RXRA: variants seen among roughly 807,000 people sequenced by gnomAD.
The protein encoded by RXRA is retinoic acid receptor RXR-alpha.
RXRA carries 5 observed loss-of-function variants against 44.5 expected under a neutral mutation model. The ratio of observed to expected loss-of-function variants is 0.11; its 90% CI spans 0.06 to 0.24. The LOEUF (loss-of-function observed/expected upper bound fraction) is 0.24, where lower values mean the gene tolerates loss of function less well. RXRA is among the 10% of genes least tolerant of loss of function. The probability of loss-of-function intolerance (pLI) is 1.00; values close to 1 mark genes in which losing one functional copy is unlikely to be tolerated. For synonymous variants in RXRA, 291 were observed against 271.4 expected, an observed-to-expected ratio of 1.07 and a Z score of -0.71; for missense variants, 412 against 646.5, an observed-to-expected ratio of 0.64 and a Z score of 3.93.
chr9:134,333,221 G>T (rs997120335), intron 1 of RXRA, among the ~76,000 whole-genome samples: 2 of 152,188 alleles, frequency 1.3e-5, no homozygotes, highest in East Asian at 1.9e-4. Context: ...TTGCCACGGG[G>T]TCTGTCCTGC....
At chr9:134,378,475 G>C (rs936597929) in intron 1 of RXRA, among the ~76,000 whole-genome samples, 2 of 152,246 alleles carry the variant, frequency 1.3e-5, no homozygotes, top group Admixed American at 1.3e-4. Context: ...GAAGGGTCCT[G>C]TGGCCTGGAG....
At chr9:134,385,717 C>A (rs1373850969) in intron 1 of RXRA, among the ~76,000 whole-genome samples, 1 of 152,250 alleles carries the variant, frequency 6.6e-6, no homozygotes, top group African/African-American at 2.4e-5. Context: ...AGGCACCCTG[C>A]ATCCGGTTTT....
Position 134,407,532 on chromosome 9 carries a change from C to T in RXRA, c.280-617C>T, listed in dbSNP as rs896473127. Among the ~76,000 whole-genome samples the T allele has an allele frequency of 6.6e-6, 1 of 152,186 alleles. No individual in the cohort carries two copies. The highest frequency in any genetic ancestry group is 2.4e-5 in the African/African-American group (1 of 41,450). On this transcript the variant is annotated intron_variant, in intron 2 of 9. Coordinates refer to ENST00000481739, the MANE Select transcript of RXRA (RefSeq NM_002957.6). This position sits in a 1 kb window ranked among gnomAD's most constrained non-coding sequence, Gnocchi z 4.8. ...CTTGCCCGGGCGGCAGCGTGCGGGC[C>T]GGCGGGTGGGGCGGAGGGGTGTGCA...
intron 3 of RXRA, 95 bp downstream of exon 3, chr9:134,408,394 A>G: frequency 1.5e-6 from 2 of 1,353,132 alleles, no homozygotes; most frequent in South Asian, 1.5e-5. Context: ...CTGTGGGCCA[A>G]GCAGGACCCA....
intron 1 of RXRA, among the ~76,000 whole-genome samples, chr9:134,338,657 C>T (rs1830043113): frequency 6.6e-6 from 1 of 152,228 alleles, no homozygotes; most frequent in Admixed American, 6.5e-5. Context: ...TGCCGGATCC[C>T]ACGCAGCCTG....
intron 9 of RXRA, among the ~76,000 whole-genome samples, chr9:134,435,236 A>G (rs1487287589): frequency 6.6e-6 from 1 of 152,184 alleles, no homozygotes; most frequent in Non-Finnish European, 1.5e-5. Context: ...CCGTGTGGAG[A>G]GACTCAGGCC....
intron 1 of RXRA, among the ~76,000 whole-genome samples, chr9:134,385,888 C>T (rs1188249971): frequency 2.0e-5 from 3 of 152,252 alleles, no homozygotes; most frequent in Admixed American, 6.5e-5. Flanking sequence ...GCCCAACGTC[C>T]GGGCCTTGCC....
At chr9:134,345,885 G>C (rs1830144931) in intron 1 of RXRA, among the ~76,000 whole-genome samples, 1 of 152,194 alleles carries the variant, frequency 6.6e-6, no homozygotes, top group Admixed American at 6.5e-5. Flanking sequence ...CCCCGGGTGG[G>C]ACTGTGGCTG....
At chr9:134,436,433 C>G (rs1183663344) in intron 9 of RXRA, 34 bp from the exon 10 acceptor site, 1 of 1,609,954 alleles carries the variant, frequency 6.2e-7, no homozygotes, top group East Asian at 2.2e-5. Flanking sequence ...GCCCATGCCC[C>G]TTGCCCGGCC....
At chr9:134,340,655 G>T (rs1256004942) in intron 1 of RXRA, among the ~76,000 whole-genome samples, 1 of 152,178 alleles carries the variant, frequency 6.6e-6, no homozygotes, top group East Asian at 1.9e-4. Flanking sequence ...GCCTCGGCCC[G>T]CAGCTGCCTT....
chr9:134,347,282 C>A (rs530854044), intron 1 of RXRA, among the ~76,000 whole-genome samples: 1 of 152,342 alleles, frequency 6.6e-6, no homozygotes, highest in South Asian at 2.1e-4. Context: ...TTCTAATTTT[C>A]CTGTGTAATT....
intron 1 of RXRA, among the ~76,000 whole-genome samples, chr9:134,327,276 G>C (rs1461458045): frequency 6.6e-6 from 1 of 152,138 alleles, no homozygotes; most frequent in Non-Finnish European, 1.5e-5. Flanking sequence ...CCCTCACTCT[G>C]GCACCCCCGG....
chr9:134,379,024 C>A lies in RXRA; in HGVS notation c.29-22608C>A, dbSNP rs138615636. ...GAGGGTGGGGGTGGACCTCAGCCGC[C>A]ACCCATTTGTCAGTCAGCAAATGCA... On this transcript the variant is annotated intron_variant, in intron 1 of 9. Coordinates refer to ENST00000481739, the MANE Select transcript of RXRA (RefSeq NM_002957.6). 1.5e-3 allele frequency among the ~76,000 whole-genome samples: 232 copies of A among 152,340 alleles called. No individual in the cohort carries two copies. The East Asian group carries it at 0.019, about 12-fold the overall frequency.
At chr9:134,432,964 T>C (rs963024797) in intron 8 of RXRA, among the ~76,000 whole-genome samples, 1 of 152,076 alleles carries the variant, frequency 6.6e-6, no homozygotes, top group Non-Finnish European at 1.5e-5. Flanking sequence ...ACTCAGCTCA[T>C]TGCGTGATAG....
chr9:134,422,759 C>G (rs1831369525), intron 6 of RXRA: 1 of 985,356 alleles, frequency 1.0e-6, no homozygotes, highest in South Asian at 4.7e-5. Context: ...TTCCCTCCAT[C>G]CCTCATAAGG....
chr9:134,431,928 A>G lies in RXRA; in HGVS notation c.1067A>G (p.Lys356Arg). ...FDRVLTELVS[K>R]MRDMQMDKTE... ...AGGGTGCTGACGGAGCTTGTGTCCA[A>G]GATGCGGGACATGCAGATGGACAAG... is the stretch of plus-strand genomic sequence containing the variant. The change falls in exon 8 of 10, where the codon AAG becomes AGG. Residue 356 changes from lysine to arginine, a missense_variant. This residue lies in a region of RXRA where 141 missense variants were observed against 270.8 expected (regional missense o/e 0.52). Coordinates refer to ENST00000481739, the MANE Select transcript of RXRA (RefSeq NM_002957.6). 6.2e-7 allele frequency: 1 copy of G among 1,613,866 alleles called. No homozygotes were observed. Among genetic ancestry groups the G allele is most frequent in the Non-Finnish European group, 8.5e-7 (1 of 1,179,894 alleles).
At chr9:134,391,068 C>T (rs150925103) in intron 1 of RXRA, among the ~76,000 whole-genome samples, 6 of 152,154 alleles carry the variant, frequency 3.9e-5, no homozygotes, top group Admixed American at 6.5e-5. Flanking sequence ...TTCTAAGCAC[C>T]GGTGCCCCCA....
chr9:134,430,326 C>T (rs1346760140), intron 7 of RXRA, among the ~76,000 whole-genome samples: 1 of 152,192 alleles, frequency 6.6e-6, no homozygotes, highest in Non-Finnish European at 1.5e-5. Flanking sequence ...GTCTGCAACA[C>T]AGGAGCCGTG....
intron 1 of RXRA, among the ~76,000 whole-genome samples, chr9:134,389,273 G>A (rs1005288058): frequency 1.7e-4 from 26 of 152,216 alleles, no homozygotes; most frequent in African/African-American, 4.8e-4. Flanking sequence ...CCCTGCACAC[G>A]TGGGCGCTGG....
Sources: allele counts gnomAD v4.1 joint callset (sites outside exome capture counted in the v4.1 genomes callset), GRCh38; gene constraint gnomAD v4.1.1; regional missense constraint gnomAD v4.1.1; non-coding constraint Gnocchi (gnomAD v3.1); transcripts MANE v1.5; gene names NCBI Gene and HGNC (gene_info 2026-07-23, HGNC 2026-07-21).